LTBP2: variants seen among roughly 807,000 people sequenced by gnomAD.
LTBP2 encodes latent transforming growth factor beta binding protein 2.
LTBP2 carries 103 observed loss-of-function variants against 210.6 expected under a neutral mutation model. The observed-to-expected ratio is 0.49, with a 90% CI of 0.42 to 0.58. The LOEUF (loss-of-function observed/expected upper bound fraction) is 0.58, where lower values mean the gene tolerates loss of function less well. LTBP2 is among the 20% of genes least tolerant of loss of function. The probability of loss-of-function intolerance (pLI) is 0.00; values close to 1 mark genes in which losing one functional copy is unlikely to be tolerated. For synonymous variants in LTBP2, 1,007 were observed against 1,015.0 expected, an observed-to-expected ratio of 0.99 and a Z score of 0.15; for missense variants, 2,313 against 2,494.5, an observed-to-expected ratio of 0.93 and a Z score of 1.55.
At chr14:74,582,639 G>A (rs2088152855) in intron 3 of LTBP2, among the ~76,000 whole-genome samples, 1 of 152,136 alleles carries the variant, frequency 6.6e-6, no homozygotes. Context: ...GTTAGGATGA[G>A]TGCCTGTTAA....
At chr14:74,589,785 G>T (rs2088255993) in intron 2 of LTBP2, among the ~76,000 whole-genome samples, 1 of 152,142 alleles carries the variant, frequency 6.6e-6, no homozygotes, top group African/African-American at 2.4e-5. Context: ...TCGGCCTTGG[G>T]GTTTTTTTAG....
chr14:74,564,051 A>T (rs1216456849), intron 3 of LTBP2, among the ~76,000 whole-genome samples: 1 of 55,218 alleles, frequency 1.8e-5, no homozygotes, highest in Non-Finnish European at 3.2e-5. Context: ...ATATATATTT[A>T]TATATATATT....
intron 3 of LTBP2, among the ~76,000 whole-genome samples, chr14:74,559,246 T>C (rs1174609811): frequency 6.6e-6 from 1 of 152,196 alleles, no homozygotes; most frequent in East Asian, 1.9e-4. Context: ...AGTGTCCTTA[T>C]ATATACACAG....
At chr14:74,506,883 G>GTGCA (rs2086998149) in intron 26 of LTBP2, 60 bp from the exon 27 acceptor site, 4 of 1,597,970 alleles carry the variant, frequency 2.5e-6, no homozygotes, top group East Asian at 2.3e-5. Flanking sequence ...GTGTGTGCGC[G>GTGCA]CGCGCGTGTG....
chr14:74,593,770 C>T (rs536723562), intron 2 of LTBP2, among the ~76,000 whole-genome samples: 16 of 152,200 alleles, frequency 1.1e-4, no homozygotes, highest in African/African-American at 3.4e-4. Flanking sequence ...GCCAGCACAG[C>T]AAAGCCTAAA....
Position 74,529,028 on chromosome 14 carries a change from C to T in LTBP2, c.2082G>A (p.Gln694=), listed in dbSNP as rs757918162. 16 of 1,594,944 alleles carry T rather than the reference C, an allele frequency of 1.0e-5. No homozygotes were observed. In the Admixed American group the frequency reaches 2.1e-4, roughly 21 times the overall value. The part of the protein sequence containing the change: ...TLPLAQRITK[Q]ICCCSRVGKA... ...TGCCCACGCGGCTGCAGCAGCATAT[C>T]TGCTTGGTGATCCGCTGGGCCAAAG... The change falls in exon 11 of 36, where the codon CAG becomes CAA. Residue 694 remains glutamine, a synonymous_variant. Transcript: ENST00000261978.
intron 3 of LTBP2, among the ~76,000 whole-genome samples, chr14:74,579,316 G>A (rs750247865): frequency 8.4e-4 from 128 of 152,296 alleles, no homozygotes; most frequent in Non-Finnish European, 1.7e-3. Context: ...AGTTCCCTCC[G>A]TTCCCTCAGA....
In LTBP2 at chr14:74,586,023, C is replaced by T; in HGVS notation, c.661G>A (p.Val221Ile). ...GGGTCAAATTCCTCATCGGGAATGACCTCCTCGCAGCGGGCTCCACGGAAA... is the reference window on the plus strand; with the variant it reads ...GGGTCAAATTCCTCATCGGGAATGATCTCCTCGCAGCGGGCTCCACGGAAA... ...SGFRGARCEE[V>I]IPDEEFDPQN... The change falls in exon 3 of 36, where the codon GTC (valine) becomes ATC (isoleucine). Residue 221 changes from valine (V) to isoleucine (I), a missense_variant. By Grantham distance (29) the Val-to-Ile change is conservative. Transcript: ENST00000261978. This position sits in a 1 kb window ranked among gnomAD's most constrained non-coding sequence, Gnocchi z 4.6. 1.9e-6 allele frequency: 3 copies of T among 1,606,386 alleles called. No individual in the cohort carries two copies. Among genetic ancestry groups the T allele is most frequent in the African/African-American group, 1.3e-5 (1 of 74,996 alleles).
At chr14:74,557,810 T>C (rs915583852) in intron 3 of LTBP2, among the ~76,000 whole-genome samples, 1 of 152,174 alleles carries the variant, frequency 6.6e-6, no homozygotes, top group Non-Finnish European at 1.5e-5. Flanking sequence ...CCCAAGGTTA[T>C]ACAAGAGCTA....
At position 74,501,536 on chromosome 14, in the gene LTBP2, C is replaced by T. The variant is rs1408061461; in HGVS notation, c.5225G>A (p.Gly1742Asp). 1.9e-6 allele frequency: 3 copies of T among 1,614,194 alleles called. No homozygotes were observed. The highest frequency in any genetic ancestry group is 2.7e-5 in the African/African-American group (2 of 75,070). The change falls in exon 35 of 36, where the codon GGC becomes GAC. Residue 1742 changes from glycine to aspartate, a missense_variant. This residue lies in a region of LTBP2 where 443 missense variants were observed against 501.4 expected (regional missense o/e 0.88). Transcript: ENST00000261978. ...GCGCACACAGCGGCCATTCTCACAGCCGTTCAGGATGCCGCACTCCTCCGC... is the reference window on the plus strand; with the variant it reads ...GCGCACACAGCGGCCATTCTCACAGTCGTTCAGGATGCCGCACTCCTCCGC... ...LQAEECGILN[G>D]CENGRCVRVR... is the part of the protein sequence containing the mutation.
intron 3 of LTBP2, among the ~76,000 whole-genome samples, chr14:74,567,022 T>C (rs1039452325): frequency 3.9e-5 from 6 of 152,130 alleles, no homozygotes; most frequent in Admixed American, 6.5e-5. Context: ...TGGGGCAGTC[T>C]CTCCTGTCCA....
At position 74,543,524 on chromosome 14, in the gene LTBP2, G is replaced by GCCTTCCCTCCCTTTTTCCTTCCTT. The variant is rs1555350363; in HGVS notation, c.1789+6338_1789+6339insAAGGAAGGAAAAAGGGAGGGAAGG. Among the ~76,000 whole-genome samples, 865 of 131,104 alleles carry GCCTTCCCTCCCTTTTTCCTTCCTT rather than the reference G, an allele frequency of 6.6e-3. 9 individuals carry two copies. The highest frequency in any genetic ancestry group is 8.5e-3 in the Non-Finnish European group (537 of 63,200). The allele number at this position is 131,104 out of a possible 152,430, so 86.0% of individuals were successfully genotyped here. On this transcript the variant is annotated intron_variant, in intron 8 of 35. Transcript: ENST00000261978. ...ATAGAGCCTGCCTGCCTGCCTGCCT[G>GCCTTCCCTCCCTTTTTCCTTCCTT]CCTTCCCTCCCTTTTTCCTCCCTCC...
At chr14:74,579,359 C>T (rs1189751792) in intron 3 of LTBP2, among the ~76,000 whole-genome samples, 1 of 152,204 alleles carries the variant, frequency 6.6e-6, no homozygotes, top group Non-Finnish European at 1.5e-5. Flanking sequence ...GAGCAGAGTC[C>T]CTGTGCTCCC....
At chr14:74,608,142 G>A (rs929300757) in intron 1 of LTBP2, among the ~76,000 whole-genome samples, 4 of 150,030 alleles carry the variant, frequency 2.7e-5, no homozygotes, top group African/African-American at 4.9e-5. Flanking sequence ...GGATGGTCTC[G>A]ATCTCCTGAC....
intron 4 of LTBP2, 36 bp from the exon 5 acceptor site, chr14:74,553,098 TGA>T: frequency 6.2e-7 from 1 of 1,606,614 alleles, no homozygotes; most frequent in Non-Finnish European, 8.5e-7. Flanking sequence ...GGGGCAGGGC[TGA>T]GAGGCACAGC....
At chr14:74,554,870 G>C (rs1451796702) in intron 4 of LTBP2, among the ~76,000 whole-genome samples, 2 of 152,080 alleles carry the variant, frequency 1.3e-5, no homozygotes, top group Non-Finnish European at 2.9e-5. Flanking sequence ...CTCAGGCACA[G>C]ATGTAAACAG....
intron 24 of LTBP2, 35 bp downstream of exon 24, chr14:74,508,569 C>G: frequency 1.3e-6 from 2 of 1,593,376 alleles, no homozygotes; most frequent in Non-Finnish European, 8.5e-7. Flanking sequence ...TTCCCATGCT[C>G]CTGGCCAGTA....
intron 2 of LTBP2, among the ~76,000 whole-genome samples, chr14:74,587,524 C>T (rs1365053112): frequency 6.6e-6 from 1 of 151,228 alleles, no homozygotes; most frequent in African/African-American, 2.4e-5. Flanking sequence ...TGGGCAGTTT[C>T]CCAAGCAGAG....
intron 2 of LTBP2, among the ~76,000 whole-genome samples, chr14:74,587,036 T>C (rs898664345): frequency 3.9e-5 from 6 of 152,108 alleles, no homozygotes; most frequent in Admixed American, 6.5e-5. Context: ...GACTCCTCTC[T>C]TCACTGTCCT....
Sources: allele counts gnomAD v4.1 joint callset (sites outside exome capture counted in the v4.1 genomes callset), GRCh38; gene constraint gnomAD v4.1.1; regional missense constraint gnomAD v4.1.1; non-coding constraint Gnocchi (gnomAD v3.1); transcripts MANE v1.5; gene names NCBI Gene and HGNC (gene_info 2026-07-23, HGNC 2026-07-21).